The following IMMP2L variants were observed in gnomAD, a reference collection of about 807,000 sequenced individuals.
IMMP2L encodes mitochondrial inner membrane protease subunit 2.
IMMP2L carries 18 observed loss-of-function variants against 19.3 expected under a neutral mutation model. The observed-to-expected ratio is 0.93, with a 90% CI of 0.64 to 1.38. IMMP2L has a LOEUF of 1.38. IMMP2L is among the 40% of genes most tolerant of loss of function. IMMP2L has a pLI of 0.00. For missense variants in IMMP2L, 233 were observed against 218.2 expected, an observed-to-expected ratio of 1.07 and a Z score of -0.43; for synonymous variants, 76 against 73.0, an observed-to-expected ratio of 1.04 and a Z score of -0.21.
At chr7:111,539,204 AAGAAAG>A (rs1262821797) in intron 1 of IMMP2L, among the ~76,000 whole-genome samples, 1 of 34,004 alleles carries the variant, frequency 2.9e-5, no homozygotes, top group Admixed American at 3.2e-4. Flanking sequence ...GGGAGAAAGA[AAGAAAG>A]AAAGAAAGAA....
chr7:110,717,389 C>T (rs1795297271), intron 5 of IMMP2L, among the ~76,000 whole-genome samples: 1 of 152,198 alleles, frequency 6.6e-6, no homozygotes, highest in Non-Finnish European at 1.5e-5. Context: ...GGCATGAACC[C>T]AGGAGGCGGA....
At chr7:110,695,200 T>A (rs977175542) in intron 5 of IMMP2L, among the ~76,000 whole-genome samples, 8 of 152,156 alleles carry the variant, frequency 5.3e-5, no homozygotes, top group South Asian at 2.1e-4. Flanking sequence ...TTATTGTTTG[T>A]CTGTTTATTG....
At chr7:111,120,253 A>C (rs1294248976) in intron 3 of IMMP2L, among the ~76,000 whole-genome samples, 5 of 152,148 alleles carry the variant, frequency 3.3e-5, no homozygotes, top group Non-Finnish European at 7.3e-5. Flanking sequence ...AAGACTGAGT[A>C]ATTTACAAAG....
At chr7:110,897,303 A>T (rs939640766) in intron 4 of IMMP2L, among the ~76,000 whole-genome samples, 3 of 152,182 alleles carry the variant, frequency 2.0e-5, no homozygotes, top group South Asian at 2.1e-4. Context: ...AATGATTTTT[A>T]AAAAAGACAA....
At chr7:111,075,116 C>CTTTTT (rs55867543) in intron 3 of IMMP2L, among the ~76,000 whole-genome samples, 2 of 75,292 alleles carry the variant, frequency 2.7e-5, no homozygotes, top group African/African-American at 1.0e-4. Flanking sequence ...TGTTTTCAGA[C>CTTTTT]TTTTTTTTTT....
At chr7:110,936,551 C>A (rs1057072937) in intron 4 of IMMP2L, among the ~76,000 whole-genome samples, 1 of 152,176 alleles carries the variant, frequency 6.6e-6, no homozygotes, top group South Asian at 2.1e-4. Context: ...CAGGAAACAA[C>A]AGATGCTGGG....
At chr7:111,468,664 G>A (rs1200731479) in intron 3 of IMMP2L, among the ~76,000 whole-genome samples, 2 of 152,112 alleles carry the variant, frequency 1.3e-5, no homozygotes, top group Non-Finnish European at 2.9e-5. Flanking sequence ...AAATAAATCT[G>A]CTAGCAATGT....
Position 111,012,904 on chromosome 7 carries a change from T to C in IMMP2L, c.240-49339A>G, listed in dbSNP as rs1825116670. The stretch of plus-strand genomic sequence containing the variant: ...ACATCCTAAATTATTGTAAGAAAAT[T>C]TGCAATTAGGAAGAGGAAGGGCTTC... On this transcript the variant is annotated intron_variant, in intron 3 of 5. Transcript: ENST00000405709. Among the ~76,000 whole-genome samples, 3 of 152,150 alleles carry C rather than the reference T, an allele frequency of 2.0e-5. No homozygotes were observed. The South Asian group carries it at 6.2e-4, about 32-fold the overall frequency.
At chr7:110,820,943 CA>C (rs960972322) in intron 5 of IMMP2L, among the ~76,000 whole-genome samples, 33 of 152,008 alleles carry the variant, frequency 2.2e-4, no homozygotes, top group African/African-American at 8.0e-4. Context: ...AAAATGTTTC[CA>C]TTGGTTAATG....
At chr7:110,931,438 A>T (rs1470036904) in intron 4 of IMMP2L, among the ~76,000 whole-genome samples, 1 of 152,106 alleles carries the variant, frequency 6.6e-6, no homozygotes, top group Non-Finnish European at 1.5e-5. Context: ...CATCTCCACA[A>T]ACATTTTTTC....
chr7:111,075,524 C>A (rs897845022), intron 3 of IMMP2L, among the ~76,000 whole-genome samples: 1 of 152,188 alleles, frequency 6.6e-6, no homozygotes, highest in African/African-American at 2.4e-5. Flanking sequence ...TCATAATACT[C>A]GAAATTGCAG....
chr7:110,988,739 G>A (rs896862472), intron 3 of IMMP2L, among the ~76,000 whole-genome samples: 2 of 152,032 alleles, frequency 1.3e-5, no homozygotes, highest in Admixed American at 1.3e-4. Context: ...ACAAATAAGG[G>A]AGGAGTTAAG....
At chr7:111,011,491 C>T (rs182521177) in intron 3 of IMMP2L, among the ~76,000 whole-genome samples, 33 of 152,072 alleles carry the variant, frequency 2.2e-4, no homozygotes, top group Admixed American at 1.9e-3. Flanking sequence ...GAAAAGAGTC[C>T]CCTTACTATG....
At chr7:111,543,611 T>C (rs1848666752) in intron 1 of IMMP2L, among the ~76,000 whole-genome samples, 1 of 152,146 alleles carries the variant, frequency 6.6e-6, no homozygotes, top group African/African-American at 2.4e-5. Context: ...ACCCTAAAAT[T>C]AAATTTTATT....
At chr7:111,527,006 G>A (rs750834334) in intron 1 of IMMP2L, among the ~76,000 whole-genome samples, 2 of 152,026 alleles carry the variant, frequency 1.3e-5, no homozygotes, top group Non-Finnish European at 2.9e-5. Flanking sequence ...TTCCAGTAAT[G>A]CTCTCCTACA....
At chr7:111,044,207 C>T (rs1232366970) in intron 3 of IMMP2L, among the ~76,000 whole-genome samples, 1 of 152,228 alleles carries the variant, frequency 6.6e-6, no homozygotes, top group East Asian at 1.9e-4. Context: ...GGATAAAATG[C>T]CAAATGCAGA....
intron 5 of IMMP2L, among the ~76,000 whole-genome samples, chr7:110,688,087 C>T (rs1425294433): frequency 1.3e-5 from 2 of 151,998 alleles, no homozygotes; most frequent in Non-Finnish European, 2.9e-5. Context: ...GGTGAAAGAA[C>T]ACCGTGGTAC....
intron 3 of IMMP2L, among the ~76,000 whole-genome samples, chr7:110,986,663 T>A (rs1356705249): frequency 6.6e-6 from 1 of 152,060 alleles, no homozygotes; most frequent in African/African-American, 2.4e-5. Context: ...GAGGAGAGAA[T>A]ACAAACTCCA....
chr7:111,176,862 T>C (rs1193940776), intron 3 of IMMP2L, among the ~76,000 whole-genome samples: 1 of 152,038 alleles, frequency 6.6e-6, no homozygotes, highest in East Asian at 1.9e-4. Flanking sequence ...TCAATGATCT[T>C]CCAGGTATGA....
Sources: allele counts gnomAD v4.1 joint callset (sites outside exome capture counted in the v4.1 genomes callset), GRCh38; gene constraint gnomAD v4.1.1; transcripts MANE v1.5; gene names NCBI Gene and HGNC (gene_info 2026-07-23, HGNC 2026-07-21).